TBCE: variants seen among roughly 807,000 people sequenced by gnomAD.
The protein encoded by TBCE is tubulin-specific chaperone E.
A neutral mutation model predicts 77.0 loss-of-function variants in TBCE; 53 were observed. The observed-to-expected ratio is 0.69, with a 90% CI of 0.55 to 0.87. TBCE has a LOEUF of 0.87. Ranked by LOEUF, TBCE falls within the 40% of genes least tolerant of loss-of-function variation. The probability of loss-of-function intolerance (pLI) is 0.00; values close to 1 mark genes in which losing one functional copy is unlikely to be tolerated. For missense variants in TBCE, 624 were observed against 622.4 expected (o/e 1.00, Z -0.03); for synonymous variants, 235 against 241.3 (o/e 0.97, Z 0.24).
intron 3 of TBCE, among the ~76,000 whole-genome samples, chr1:235,408,645 T>C (rs1256653650): frequency 6.6e-6 from 1 of 152,192 alleles, no homozygotes; most frequent in Non-Finnish European, 1.5e-5. Context: ...AAGGTGCTTA[T>C]CTACTGTACT....
At position 235,382,070 on chromosome 1, in the gene TBCE, T is replaced by G. The variant is rs1677702954; in HGVS notation, c.100+1921T>G. Among the ~76,000 whole-genome samples the G allele has an allele frequency of 2.0e-5, 3 of 149,822 alleles. No homozygotes were observed. The South Asian group carries it at 6.4e-4, about 32-fold the overall frequency. The stretch of plus-strand genomic sequence containing the variant: ...ATGAGTGAGAACATGCAGTGTTTGG[T>G]TTTTTGTCCTTGTGATAGTTTACTG... On this transcript the variant is annotated intron_variant, in intron 2 of 16. Transcript: ENST00000642610.
intron 1 of TBCE, among the ~76,000 whole-genome samples, chr1:235,372,792 T>C (rs962590861): frequency 1.1e-4 from 16 of 151,624 alleles, no homozygotes; most frequent in Non-Finnish European, 1.9e-4. Context: ...GGCGTGGTGG[T>C]GGGTGCCTGT....
intron 8 of TBCE, 44 bp from the exon 9 acceptor site, chr1:235,435,701 T>G (rs768836850): frequency 1.3e-5 from 20 of 1,544,924 alleles, no homozygotes; most frequent in Non-Finnish European, 1.7e-5. Context: ...TTGAAAACAA[T>G]TAAGAGATAA....
At chr1:235,433,202 C>A in intron 7 of TBCE, 1 of 1,294,240 alleles carries the variant, frequency 7.7e-7, no homozygotes. Flanking sequence ...CTCTAATTGG[C>A]CATGGCCAAG....
At chr1:235,392,410 T>C (rs12138122) in intron 2 of TBCE, among the ~76,000 whole-genome samples, 771 of 15,666 alleles carry the variant, frequency 0.049, 36 homozygotes, top group African/African-American at 0.16. Context: ...ATTTTTTTTT[T>C]TTTTTTTTTT....
At chr1:235,384,959 A>G (rs1228722401) in intron 2 of TBCE, among the ~76,000 whole-genome samples, 1 of 151,970 alleles carries the variant, frequency 6.6e-6, no homozygotes, top group East Asian at 1.9e-4. Flanking sequence ...ATTTAGTGCT[A>G]TAAATTTCCC....
intron 5 of TBCE, among the ~76,000 whole-genome samples, chr1:235,421,802 C>G (rs532484571): frequency 1.4e-4 from 21 of 152,208 alleles, no homozygotes; most frequent in African/African-American, 5.1e-4. Context: ...CTGATCTGTA[C>G]ATAATAACTT....
At position 235,437,498 on chromosome 1, in the gene TBCE, A is replaced by G. The variant is rs6666184; in HGVS notation, c.1116+24A>G. The G allele has an allele frequency of 6.8e-6, 11 of 1,613,076 alleles. No homozygotes were observed. The Admixed American group carries it at 1.2e-4, about 17-fold the overall frequency. ...AGGTGAGCACTGGCGTCATGACTAG[A>G]TATTTTTTAGACTAGAAAATAAATG... On this transcript the variant is annotated intron_variant, in intron 12 of 16. Transcript: ENST00000642610.
At chr1:235,432,048 A>G (rs1681133946) in intron 7 of TBCE, among the ~76,000 whole-genome samples, 1 of 151,682 alleles carries the variant, frequency 6.6e-6, no homozygotes, top group African/African-American at 2.4e-5. Context: ...CAGTGGCATG[A>G]TCTCGGCTCA....
chr1:235,386,206 C>A (rs1470612570), intron 2 of TBCE, among the ~76,000 whole-genome samples: 1 of 151,702 alleles, frequency 6.6e-6, no homozygotes, highest in African/African-American at 2.4e-5. Flanking sequence ...TGATGGGCTT[C>A]CCTTTGTCTC....
chr1:235,393,534 T>TA (rs1428268095), intron 2 of TBCE, among the ~76,000 whole-genome samples: 4 of 152,000 alleles, frequency 2.6e-5, no homozygotes, highest in Non-Finnish European at 4.4e-5. Context: ...TGAGACTGTC[T>TA]AAAAAAAATA....
intron 2 of TBCE, among the ~76,000 whole-genome samples, chr1:235,397,200 CTTTTT>C (rs34523932): frequency 9.9e-6 from 1 of 100,798 alleles, no homozygotes; most frequent in Non-Finnish European, 1.9e-5. Context: ...GTCTCAATCT[CTTTTT>C]TTTTTTTTTT....
At chr1:235,434,979 T>C (rs1185466749) in intron 8 of TBCE, among the ~76,000 whole-genome samples, 1 of 152,202 alleles carries the variant, frequency 6.6e-6, no homozygotes, top group African/African-American at 2.4e-5. Flanking sequence ...TAATATTAAA[T>C]TACTATGTAA....
chr1:235,437,824 T>TTA (rs1303592211), intron 12 of TBCE, among the ~76,000 whole-genome samples: 3 of 137,448 alleles, frequency 2.2e-5, no homozygotes, highest in Admixed American at 7.4e-5. Context: ...TGTCTTAATT[T>TTA]AAAAAAAAAA....
In TBCE at chr1:235,427,193, A is replaced by G; in HGVS notation, c.514A>G (p.Ile172Val). The change falls in exon 6 of 17, where the codon ATA becomes GTA. Residue 172 changes from isoleucine (I) to valine (V), a missense_variant. Ile to Val is a conservative substitution (Grantham distance 29). Transcript: ENST00000642610. ...KNLLSSWDEV[I>V]HIADQLRHLE... is the part of the protein sequence containing the mutation. ...CCTGTTGTCATCATGGGATGAAGTG[A>G]TACACATTGCTGATCAGCTCAGACA... 1 of 1,614,060 alleles carries G rather than the reference A, an allele frequency of 6.2e-7. No individual in the cohort carries two copies. Among genetic ancestry groups the G allele is most frequent in the South Asian group, 1.1e-5 (1 of 91,078 alleles).
At chr1:235,374,786 C>G (rs1273638611) in intron 1 of TBCE, among the ~76,000 whole-genome samples, 1 of 145,548 alleles carries the variant, frequency 6.9e-6, no homozygotes, top group Non-Finnish European at 1.5e-5. Flanking sequence ...CAGGTGTGAG[C>G]TACTGTGCCC....
At chr1:235,396,105 G>C (rs1309620789) in intron 2 of TBCE, among the ~76,000 whole-genome samples, 2 of 151,874 alleles carry the variant, frequency 1.3e-5, no homozygotes, top group Non-Finnish European at 2.9e-5. Context: ...TGCCGCCCAG[G>C]CTGGAGTGCA....
intron 3 of TBCE, 44 bp downstream of exon 3, chr1:235,401,631 A>G (rs1315382835): frequency 1.4e-6 from 2 of 1,480,386 alleles, no homozygotes; most frequent in Non-Finnish European, 1.9e-6. Context: ...AGTCAAGATT[A>G]TATTTAATAC....
intron 8 of TBCE, among the ~76,000 whole-genome samples, chr1:235,435,099 TTTGTTTTG>T (rs906467971): frequency 6.7e-4 from 98 of 146,132 alleles, no homozygotes; most frequent in African/African-American, 2.6e-3. Context: ...ATGCAGGTTT[TTTGTTTTG>T]TTTTTTTTTT....
Sources: gnomAD v4.1 joint callset for allele counts (sites outside exome capture counted in the v4.1 genomes callset) on GRCh38, gnomAD v4.1.1 for gene constraint, MANE v1.5 for transcripts, NCBI Gene and HGNC (gene_info 2026-07-23, HGNC 2026-07-21) for gene names.